The following TNPO1 variants were observed in gnomAD, a reference collection of about 807,000 sequenced individuals.
TNPO1 encodes the protein transportin-1.
In TNPO1, 8 loss-of-function variants were observed where a neutral mutation model predicts 119.5. That is an observed-to-expected ratio of 0.07 (90% confidence interval 0.04 to 0.12). The LOEUF (loss-of-function observed/expected upper bound fraction) is 0.12. TNPO1 is among the 10% of genes least tolerant of loss of function. The probability of loss-of-function intolerance (pLI) is 1.00; values close to 1 mark genes in which losing one functional copy is unlikely to be tolerated. For missense variants in TNPO1, 576 were observed against 1,089.8 expected, an observed-to-expected ratio of 0.53 and a Z score of 6.64; for synonymous variants, 362 against 363.0, an observed-to-expected ratio of 1.00 and a Z score of 0.03.
rs1297936672 is a variant in TNPO1 at position 72,816,770 on chromosome 5, G to A, written c.15+18G>A. ...GGGACCGGGTAGGTGGCGTGAGGGTGCGCGGCCCCGAACTGCAGGGGCGGG... is the reference window on the plus strand; with the variant it reads ...GGGACCGGGTAGGTGGCGTGAGGGTACGCGGCCCCGAACTGCAGGGGCGGG... On this transcript the variant is annotated intron_variant, in intron 1 of 24. Coordinates refer to ENST00000337273, the MANE Select transcript of TNPO1 (RefSeq NM_002270.4). 3.2e-6 allele frequency: 5 copies of A among 1,582,642 alleles called. No homozygotes were observed. In the Admixed American group the frequency reaches 5.3e-5, roughly 17 times the overall value.
At chr5:72,818,004 A>G (rs1743777933) in intron 1 of TNPO1, among the ~76,000 whole-genome samples, 1 of 152,238 alleles carries the variant, frequency 6.6e-6, no homozygotes, top group Non-Finnish European at 1.5e-5. Flanking sequence ...AAAATTAGCA[A>G]CCACAAAAGG....
intron 1 of TNPO1, among the ~76,000 whole-genome samples, chr5:72,836,734 C>T (rs1744707463): frequency 6.6e-6 from 1 of 152,162 alleles, no homozygotes; most frequent in South Asian, 2.1e-4. Flanking sequence ...TCTCTTCCTG[C>T]ATCTTACTAT....
intron 22 of TNPO1, among the ~76,000 whole-genome samples, chr5:72,902,902 TTAAA>T (rs1316386373): frequency 5.9e-5 from 9 of 152,188 alleles, no homozygotes; most frequent in Non-Finnish European, 7.4e-5. Flanking sequence ...TCTTTTTTGC[TTAAA>T]TAAACATACA....
intron 24 of TNPO1, among the ~76,000 whole-genome samples, chr5:72,906,408 G>A (rs924276821): frequency 7.2e-6 from 1 of 139,260 alleles, no homozygotes; most frequent in Non-Finnish European, 1.5e-5. Flanking sequence ...TCTCCTGCCC[G>A]AGCCTCCCAA....
At chr5:72,873,469 T>C (rs1747554144) in intron 7 of TNPO1, among the ~76,000 whole-genome samples, 1 of 152,138 alleles carries the variant, frequency 6.6e-6, no homozygotes, top group African/African-American at 2.4e-5. Context: ...GACCAGCTTC[T>C]TTCTGAGCAT....
intron 20 of TNPO1, among the ~76,000 whole-genome samples, chr5:72,897,613 A>T (rs1399316397): frequency 1.3e-5 from 2 of 149,968 alleles, no homozygotes; most frequent in African/African-American, 2.5e-5. Flanking sequence ...GCAGTATGTT[A>T]TGGGATTTTT....
intron 3 of TNPO1, among the ~76,000 whole-genome samples, chr5:72,852,762 G>T (rs1202549178): frequency 6.6e-6 from 1 of 152,152 alleles, no homozygotes; most frequent in Non-Finnish European, 1.5e-5. Context: ...AGTTGATTTT[G>T]TAGTTAATTT....
intron 1 of TNPO1, among the ~76,000 whole-genome samples, chr5:72,841,803 C>A (rs376438948): frequency 6.6e-6 from 1 of 151,640 alleles, no homozygotes; most frequent in Non-Finnish European, 1.5e-5. Context: ...TAATTGTATT[C>A]TTTAAATAGC....
Position 72,883,170 on chromosome 5 carries a change from A to C in TNPO1, c.1088A>C (p.Glu363Ala). The C allele has an allele frequency of 6.2e-7, 1 of 1,609,840 alleles. No individual in the cohort carries two copies. Among genetic ancestry groups the C allele is most frequent in the Non-Finnish European group, 8.5e-7 (1 of 1,176,136 alleles). ...VAQQHDEDGI[E>A]EEDDDDDEID... Reference sequence around the variant, plus strand: ...CAGCAGCATGATGAAGATGGAATTGAAGAGGAAGATGATGATGATGATGAA... The same window carrying C: ...CAGCAGCATGATGAAGATGGAATTGCAGAGGAAGATGATGATGATGATGAA... Residue 363 changes from glutamate (E) to alanine (A), a missense_variant, in exon 11 of 25, where the codon GAA becomes GCA. Glu to Ala is a moderately radical substitution (Grantham distance 107). This residue lies in a region of TNPO1 where 310 missense variants were observed against 583.0 expected (regional missense o/e 0.53). Coordinates refer to ENST00000337273, the MANE Select transcript of TNPO1 (RefSeq NM_002270.4).
At chr5:72,892,184 T>G (rs940649841) in intron 15 of TNPO1, among the ~76,000 whole-genome samples, 1 of 152,034 alleles carries the variant, frequency 6.6e-6, no homozygotes, top group Non-Finnish European at 1.5e-5. Flanking sequence ...TATATATATA[T>G]CTTTTCACTC....
intron 1 of TNPO1, among the ~76,000 whole-genome samples, chr5:72,843,495 G>A (rs1304208089): frequency 6.6e-6 from 1 of 151,752 alleles, no homozygotes; most frequent in East Asian, 1.9e-4. Context: ...TCGGGAGGCT[G>A]AGGCAGGAGA....
chr5:72,905,739 A>G (rs902970705), intron 24 of TNPO1, among the ~76,000 whole-genome samples: 1 of 152,148 alleles, frequency 6.6e-6, no homozygotes, highest in Non-Finnish European at 1.5e-5. Context: ...TACTAAAAAT[A>G]CAAAAATTAG....
At chr5:72,849,670 A>T (rs1197454341) in intron 2 of TNPO1, among the ~76,000 whole-genome samples, 1 of 152,218 alleles carries the variant, frequency 6.6e-6, no homozygotes. Flanking sequence ...GGAAGGGATA[A>T]TGATTTAGAT....
At chr5:72,865,285 T>C (rs1399854403) in intron 5 of TNPO1, among the ~76,000 whole-genome samples, 1 of 151,568 alleles carries the variant, frequency 6.6e-6, no homozygotes, top group East Asian at 2.0e-4. Context: ...CTACAAAAAA[T>C]ACAAAACTTA....
chr5:72,895,249 G>A (rs1749345662), intron 18 of TNPO1, among the ~76,000 whole-genome samples: 1 of 151,996 alleles, frequency 6.6e-6, no homozygotes, highest in South Asian at 2.1e-4. Context: ...ACTGTAAATT[G>A]TTTGGATACA....
intron 8 of TNPO1, 49 bp from the exon 9 acceptor site, chr5:72,877,179 A>G (rs747198871): frequency 9.9e-7 from 1 of 1,009,812 alleles, no homozygotes; most frequent in South Asian, 1.4e-5. Flanking sequence ...AATTGATACT[A>G]ATGGTGTGAT....
At chr5:72,839,203 A>G (rs1262346291) in intron 1 of TNPO1, among the ~76,000 whole-genome samples, 1 of 152,196 alleles carries the variant, frequency 6.6e-6, no homozygotes, top group East Asian at 1.9e-4. Flanking sequence ...AATAAATCCT[A>G]TGATACTAAG....
chr5:72,888,635 T>G lies in TNPO1; in HGVS notation c.1529+332T>G, dbSNP rs571958578. On this transcript the variant is annotated intron_variant, in intron 13 of 24. Coordinates refer to ENST00000337273, the MANE Select transcript of TNPO1 (RefSeq NM_002270.4). ...TGGCTCATTTTTCCCACTCAGTGGT[T>G]ATTATAACAGAACTATCTTACACCC... 3.3e-5 allele frequency among the ~76,000 whole-genome samples: 5 copies of G among 152,346 alleles called. No individual in the cohort carries two copies. In the East Asian group the frequency reaches 9.6e-4, roughly 29 times the overall value.
intron 1 of TNPO1, 164 bp from the exon 2 acceptor site, chr5:72,848,221 T>G: frequency 4.0e-6 from 5 of 1,251,724 alleles, no homozygotes; most frequent in Non-Finnish European, 5.0e-6. Context: ...GGTTTCACTG[T>G]CCGTGACTTC....
Sources: gnomAD v4.1 joint callset for allele counts (sites outside exome capture counted in the v4.1 genomes callset) on GRCh38, gnomAD v4.1.1 for gene constraint, gnomAD v4.1.1 regional missense constraint, MANE v1.5 for transcripts, NCBI Gene and HGNC (gene_info 2026-07-23, HGNC 2026-07-21) for gene names.